The following TMEM232 variants were observed in gnomAD, a reference collection of about 807,000 sequenced individuals.
The protein encoded by TMEM232 is transmembrane protein 232.
Under a neutral mutation model 78.8 loss-of-function variants are expected in TMEM232, and 80 were observed. The observed-to-expected ratio is 1.01, with a 90% CI of 0.85 to 1.22. TMEM232 has a LOEUF of 1.22. Ranked by LOEUF, TMEM232 falls within the 50% of genes most tolerant of loss-of-function variation. The pLI is 0.00. For missense variants in TMEM232, 881 were observed against 742.2 expected, an observed-to-expected ratio of 1.19 and a Z score of -2.17; for synonymous variants, 297 against 254.3, an observed-to-expected ratio of 1.17 and a Z score of -1.60.
In TMEM232 at chr5:110,424,803, TA is replaced by T. The variant is rs11454377; in HGVS notation, c.1797+19del. 337 of 1,506,932 alleles carry T rather than the reference TA, an allele frequency of 2.2e-4. 1 individual carries two copies. The highest frequency in any genetic ancestry group is 4.5e-4 in the Admixed American group (22 of 48,986). The allele number at this position is 1,506,932 out of a possible 1,614,324, so 93.3% of individuals were successfully genotyped here. A position where few individuals can be genotyped will look rare whatever the true frequency, so the allele number is the denominator to read the frequency against. On this transcript the variant is annotated intron_variant, in intron 13 of 13. Coordinates refer to ENST00000455884, the MANE Select transcript of TMEM232 (RefSeq NM_001039763.4). The stretch of plus-strand genomic sequence containing the variant: ...AAGGAACAAAGCTTTTGCTGCTAGT[TA>T]AAAAAAAATCAATCTTACGTGATGG...
chr5:110,469,129 G>A (rs559348039), intron 12 of TMEM232, among the ~76,000 whole-genome samples: 17 of 152,272 alleles, frequency 1.1e-4, no homozygotes, highest in African/African-American at 2.6e-4. Context: ...TAAGGGAGCT[G>A]TCTGGAGTCC....
intron 4 of TMEM232, among the ~76,000 whole-genome samples, chr5:110,388,997 A>G (rs1755082312): frequency 6.6e-6 from 1 of 152,184 alleles, no homozygotes; most frequent in African/African-American, 2.4e-5. Context: ...GCAGTGGCTC[A>G]TGCCTGTAAT....
intron 1 of TMEM232, among the ~76,000 whole-genome samples, chr5:110,672,340 G>C (rs1791464079): frequency 6.6e-6 from 1 of 152,076 alleles, no homozygotes; most frequent in African/African-American, 2.4e-5. Flanking sequence ...CAGTGGGATG[G>C]AATAAAACAT....
At position 110,603,644 on chromosome 5, in the gene TMEM232, G is replaced by T. The variant is rs73783668; in HGVS notation, c.1276+1465C>A. Among the ~76,000 whole-genome samples the T allele has an allele frequency of 7.7e-3, 1,168 of 152,180 alleles. 17 individuals are homozygous for T. Among genetic ancestry groups the T allele is most frequent in the African/African-American group, 0.027 (1,122 of 41,526 alleles). On this transcript the variant is annotated intron_variant, in intron 10 of 13. Transcript: ENST00000455884. ...ATAACTAAGATTGTGAACAGCAAAA[G>T]AAATGAGTACCTTCATTTATCTTCA...
chr5:110,734,352 C>T (rs114665529), intron 2 of TMEM232, among the ~76,000 whole-genome samples: 5 of 152,080 alleles, frequency 3.3e-5, no homozygotes, highest in African/African-American at 9.7e-5. Flanking sequence ...GAAGCCCAAG[C>T]GGGCAAGCCA....
chr5:110,669,174 A>C (rs1329132841), intron 1 of TMEM232, among the ~76,000 whole-genome samples: 2 of 152,222 alleles, frequency 1.3e-5, no homozygotes, highest in African/African-American at 4.8e-5. Flanking sequence ...ACTTCAAAAA[A>C]ATCAATGAAT....
chr5:110,502,524 C>T (rs1260057897), intron 12 of TMEM232, among the ~76,000 whole-genome samples: 1 of 152,176 alleles, frequency 6.6e-6, no homozygotes, highest in African/African-American at 2.4e-5. Context: ...GACCATGATC[C>T]TTTCTCTTTA....
At chr5:110,474,963 T>C (rs1006728066) in intron 12 of TMEM232, among the ~76,000 whole-genome samples, 1 of 152,004 alleles carries the variant, frequency 6.6e-6, no homozygotes, top group Non-Finnish European at 1.5e-5. Flanking sequence ...TTCAGTGCAG[T>C]ATTTTTCCCA....
intron 10 of TMEM232, among the ~76,000 whole-genome samples, chr5:110,576,127 T>C (rs1222368105): frequency 6.6e-6 from 1 of 152,030 alleles, no homozygotes; most frequent in Non-Finnish European, 1.5e-5. Context: ...TCCTACTTTT[T>C]GAAAACCCCA....
upstream of TMEM232, chr5:110,738,249 T>C (rs147877745): frequency 9.3e-4 from 1,194 of 1,286,456 alleles, 1 homozygote; most frequent in Non-Finnish European, 1.1e-3. Flanking sequence ...TGAAAACAGG[T>C]AGTAGGGGAC....
intron 12 of TMEM232, among the ~76,000 whole-genome samples, chr5:110,447,114 CATAA>C (rs1396141513): frequency 2.0e-5 from 3 of 150,268 alleles, no homozygotes; most frequent in South Asian, 2.1e-4. Flanking sequence ...CATATATATG[CATAA>C]ATAAATATAT....
At chr5:110,706,535 T>C (rs375050073) in intron 1 of TMEM232, among the ~76,000 whole-genome samples, 3 of 152,194 alleles carry the variant, frequency 2.0e-5, no homozygotes. Flanking sequence ...GGACACAGAA[T>C]GCGTATAAAG....
At position 110,427,107 on chromosome 5, in the gene TMEM232, G is replaced by T. The variant is rs142393017; in HGVS notation, c.1704-2191C>A. 9.3e-3 allele frequency among the ~76,000 whole-genome samples: 1,412 copies of T among 152,026 alleles called. 16 individuals are homozygous for T. Among genetic ancestry groups the T allele is most frequent in the Non-Finnish European group, 0.013 (854 of 67,916 alleles). ...GAACATAATGAAAGATAACACGAGAGAAGTAAACATTCAGGGATAGAAACA... is the reference window on the plus strand; with the variant it reads ...GAACATAATGAAAGATAACACGAGATAAGTAAACATTCAGGGATAGAAACA... On this transcript the variant is annotated intron_variant, in intron 12 of 13. Coordinates refer to ENST00000455884, the MANE Select transcript of TMEM232 (RefSeq NM_001039763.4).
At chr5:110,544,540 T>C (rs1016744738) in intron 11 of TMEM232, among the ~76,000 whole-genome samples, 1 of 151,916 alleles carries the variant, frequency 6.6e-6, no homozygotes, top group African/African-American at 2.4e-5. Context: ...ACTCACATTA[T>C]TTTTGACATA....
At chr5:110,504,000 C>T (rs904802833) in intron 12 of TMEM232, among the ~76,000 whole-genome samples, 1 of 152,138 alleles carries the variant, frequency 6.6e-6, no homozygotes, top group Non-Finnish European at 1.5e-5. Context: ...CAAAATCAGA[C>T]AATGTATTCC....
intron 11 of TMEM232, among the ~76,000 whole-genome samples, chr5:110,529,778 T>C (rs181732032): frequency 6.6e-6 from 1 of 152,320 alleles, no homozygotes; most frequent in East Asian, 1.9e-4. Context: ...GGATTGCTTC[T>C]TCTTTACTTC....
At chr5:110,634,731 T>C (rs896636875) in intron 5 of TMEM232, among the ~76,000 whole-genome samples, 1 of 151,864 alleles carries the variant, frequency 6.6e-6, no homozygotes, top group Non-Finnish European at 1.5e-5. Flanking sequence ...AGCAATAAAT[T>C]CCTGCATCAA....
At chr5:110,541,723 A>G (rs1279169217) in intron 11 of TMEM232, among the ~76,000 whole-genome samples, 11 of 152,102 alleles carry the variant, frequency 7.2e-5, no homozygotes, top group Admixed American at 7.2e-4. Flanking sequence ...GATCCATAAT[A>G]CCCCTAGAGC....
intron 8 of TMEM232, among the ~76,000 whole-genome samples, chr5:110,615,848 C>T (rs903073518): frequency 1.3e-5 from 2 of 151,678 alleles, no homozygotes; most frequent in Admixed American, 6.6e-5. Flanking sequence ...CTGCTATATA[C>T]TAATGACAGA....
Sources: gnomAD v4.1 joint callset for allele counts (sites outside exome capture counted in the v4.1 genomes callset) on GRCh38, gnomAD v4.1.1 for gene constraint, MANE v1.5 for transcripts, NCBI Gene and HGNC (gene_info 2026-07-23, HGNC 2026-07-21) for gene names.